The following RYR2 variants were observed in gnomAD, a reference collection of about 807,000 sequenced individuals.
RYR2 encodes the protein cardiac muscle ryanodine receptor-calcium release channel.
In RYR2, 227 loss-of-function variants were observed where a neutral mutation model predicts 601.1. That is an observed-to-expected ratio of 0.38 (90% CI 0.34 to 0.42). RYR2 has a LOEUF of 0.42. Among genes scored for constraint, RYR2 ranks in the 10% least tolerant of loss-of-function variants. RYR2 has a pLI of 1.00. For missense variants in RYR2, 4,646 were observed against 6,156.5 expected (o/e 0.75, Z 8.21); for synonymous variants, 2,223 against 2,175.1 (o/e 1.02, Z -0.61).
chr1:237,673,981 A>G lies in RYR2; in HGVS notation c.8591-115A>G, dbSNP rs967461010. The G allele has an allele frequency of 4.1e-6, 3 of 736,864 alleles. No individual in the cohort carries two copies. In the South Asian group the frequency reaches 5.9e-5, roughly 14 times the overall value. The allele number at this position is 736,864 out of a possible 1,614,324, so 45.6% of individuals were successfully genotyped here. ...GAGGCAGAAGAGTCTTATATGCTCT[A>G]TGTATTATTAAAGGATATGGAAAGT... On this transcript the variant is annotated intron_variant, in intron 58 of 104. Transcript: ENST00000366574.
intron 2 of RYR2, among the ~76,000 whole-genome samples, chr1:237,275,021 G>A (rs2149361618): frequency 6.6e-6 from 1 of 151,774 alleles, no homozygotes; most frequent in East Asian, 1.9e-4. Flanking sequence ...TCTAGCATGT[G>A]TCCCCATCAT....
rs1358173766 is a variant in RYR2 at position 237,654,326 on chromosome 1, G to T, written c.7877G>T (p.Gly2626Val). 6.2e-7 allele frequency: 1 copy of T among 1,613,938 alleles called. No homozygotes were observed. Among genetic ancestry groups the T allele is most frequent in the Non-Finnish European group, 8.5e-7 (1 of 1,179,874 alleles). ...RCWKYYCLPGGWGNFGAASEE... is the reference protein window; with the variant it reads ...RCWKYYCLPGVWGNFGAASEE... ...TGGAAATATTACTGCCTGCCTGGAGGGTGGGGAAACTTTGGTGCTGCCTCA... is the reference window on the plus strand; with the variant it reads ...TGGAAATATTACTGCCTGCCTGGAGTGTGGGGAAACTTTGGTGCTGCCTCA... The change falls in exon 52 of 105, where the codon GGG (glycine) becomes GTG (valine). Residue 2626 changes from glycine to valine, a missense_variant. By Grantham distance (109) the Gly-to-Val change is moderately radical. This residue lies in a region of RYR2 where 1,497 missense variants were observed against 1,842.6 expected (regional missense o/e 0.81). Transcript: ENST00000366574.
At chr1:237,451,613 T>G (rs1658133393) in intron 14 of RYR2, among the ~76,000 whole-genome samples, 1 of 151,580 alleles carries the variant, frequency 6.6e-6, no homozygotes, top group Non-Finnish European at 1.5e-5. Flanking sequence ...AGTCCTGAAT[T>G]TATATAATTT....
chr1:237,677,945 C>A (rs533596704), intron 60 of RYR2, 103 bp from the exon 61 acceptor site: 4 of 725,770 alleles, frequency 5.5e-6, no homozygotes, highest in Admixed American at 4.6e-5. Context: ...TTCAGTTTAG[C>A]GGGATAATAC....
chr1:237,485,116 G>A lies in RYR2; in HGVS notation c.1709-6690G>A, dbSNP rs555139628. 3.5e-3 allele frequency among the ~76,000 whole-genome samples: 529 copies of A among 152,156 alleles called. 4 individuals carry two copies. The highest frequency in any genetic ancestry group is 0.012 in the African/African-American group (503 of 41,500). ...ACAGATAAGGAAATCCTAGCACTAA[G>A]AAATATAAATTCCCTATGTTGTGTC... On this transcript the variant is annotated intron_variant, in intron 17 of 104. Coordinates refer to ENST00000366574, the MANE Select transcript of RYR2 (RefSeq NM_001035.3).
Position 237,043,430 on chromosome 1 carries a change from T to A in RYR2, c.48+861T>A, listed in dbSNP as rs113806060. ...GGGCAGGGTGGCTGCCCGGGAAAGG[T>A]TGGCTCCACACTAATACAATTCTTT... On this transcript the variant is annotated intron_variant, in intron 1 of 104. Transcript: ENST00000366574. Among the ~76,000 whole-genome samples, 7 of 152,306 alleles carry A rather than the reference T, an allele frequency of 4.6e-5. 1 individual carries two copies. Among genetic ancestry groups the A allele is most frequent in the African/African-American group, 1.7e-4 (7 of 41,568 alleles).
At chr1:237,068,525 A>G (rs74146699) in intron 1 of RYR2, among the ~76,000 whole-genome samples, 2,885 of 152,230 alleles carry the variant, frequency 0.019, 90 homozygotes, top group African/African-American at 0.066. Flanking sequence ...CTGTGGTTTC[A>G]CATTTTCACT....
intron 1 of RYR2, among the ~76,000 whole-genome samples, chr1:237,213,915 CTTTTTTT>C (rs71180008): frequency 9.2e-5 from 6 of 65,484 alleles, no homozygotes; most frequent in East Asian, 5.1e-4. Context: ...TTTTCTTTTT[CTTTTTTT>C]TTTTTTTTTT....
At chr1:237,542,542 A>G (rs1324864368) in intron 25 of RYR2, among the ~76,000 whole-genome samples, 1 of 152,054 alleles carries the variant, frequency 6.6e-6, no homozygotes, top group African/African-American at 2.4e-5. Context: ...CTTCGACTGA[A>G]TTGTCTTCAT....
At chr1:237,207,297 G>A (rs1024194540) in intron 1 of RYR2, among the ~76,000 whole-genome samples, 46 of 152,328 alleles carry the variant, frequency 3.0e-4, no homozygotes, top group Admixed American at 1.3e-3. Context: ...CAGGCACGGC[G>A]GCTCACGCCT....
At chr1:237,256,111 T>G (rs1490470329) in intron 1 of RYR2, among the ~76,000 whole-genome samples, 1 of 152,116 alleles carries the variant, frequency 6.6e-6, no homozygotes, top group South Asian at 2.1e-4. Context: ...AATTGAATCA[T>G]AGGGGCAGTT....
At chr1:237,812,842 A>G (rs924762564) in intron 100 of RYR2, among the ~76,000 whole-genome samples, 4 of 151,042 alleles carry the variant, frequency 2.6e-5, no homozygotes, top group Admixed American at 2.0e-4. Context: ...ACCATCTCCT[A>G]TCCTTCCTTT....
intron 1 of RYR2, among the ~76,000 whole-genome samples, chr1:237,110,873 A>G (rs1669394072): frequency 6.6e-6 from 1 of 152,202 alleles, no homozygotes; most frequent in Non-Finnish European, 1.5e-5. Flanking sequence ...CTTTGCTGCA[A>G]GGTGCTTGTA....
At chr1:237,472,823 C>A (rs1660884718) in intron 17 of RYR2, among the ~76,000 whole-genome samples, 2 of 151,890 alleles carry the variant, frequency 1.3e-5, no homozygotes, top group African/African-American at 4.8e-5. Flanking sequence ...ACTTTGGTGA[C>A]CAAGGAGTTC....
At chr1:237,463,768 T>C (rs1164620368) in intron 16 of RYR2, among the ~76,000 whole-genome samples, 1 of 152,176 alleles carries the variant, frequency 6.6e-6, no homozygotes, top group African/African-American at 2.4e-5. Flanking sequence ...TCTTTTGTTT[T>C]TGTACCTTGA....
chr1:237,575,839 G>T lies in RYR2; in HGVS notation c.3598+6520G>T, dbSNP rs905055539. Among the ~76,000 whole-genome samples, 12 of 152,092 alleles carry T rather than the reference G, an allele frequency of 7.9e-5. No individual in the cohort carries two copies. The East Asian group carries it at 2.1e-3, about 27-fold the overall frequency. ...GGAGATGATAAGAATTGGAGTAAAA[G>T]GGACGAATTTATCATCATTCGAAGA... On this transcript the variant is annotated intron_variant, in intron 29 of 104. Coordinates refer to ENST00000366574, the MANE Select transcript of RYR2 (RefSeq NM_001035.3).
At chr1:237,820,187 C>CAA (rs141962001) in intron 101 of RYR2, among the ~76,000 whole-genome samples, 32 of 71,332 alleles carry the variant, frequency 4.5e-4, no homozygotes, top group African/African-American at 1.4e-3. Flanking sequence ...AACTCCATCT[C>CAA]AAAAAAAAAA....
chr1:237,429,803 G>A (rs1706601514), intron 12 of RYR2, among the ~76,000 whole-genome samples: 1 of 151,988 alleles, frequency 6.6e-6, no homozygotes, highest in Non-Finnish European at 1.5e-5. Context: ...GGGTGGGAGG[G>A]TACTGTCTTA....
At chr1:237,563,427 CAA>C (rs1671659111) in intron 27 of RYR2, among the ~76,000 whole-genome samples, 3 of 146,714 alleles carry the variant, frequency 2.0e-5, no homozygotes, top group African/African-American at 5.0e-5. Context: ...AAAAAAAACA[CAA>C]ACAAATAGGA....
Sources: gnomAD v4.1 joint callset for allele counts (sites outside exome capture counted in the v4.1 genomes callset) on GRCh38, gnomAD v4.1.1 for gene constraint, gnomAD v4.1.1 regional missense constraint, MANE v1.5 for transcripts, NCBI Gene and HGNC (gene_info 2026-07-23, HGNC 2026-07-21) for gene names.